CREB5: variants seen among roughly 807,000 people sequenced by gnomAD.
CREB5 encodes the protein cyclic AMP-responsive element-binding protein 5.
CREB5 carries 19 observed loss-of-function variants against 57.1 expected under a neutral mutation model. The observed-to-expected ratio is 0.33, with a 90% CI of 0.23 to 0.49. CREB5 has a LOEUF of 0.49. CREB5 is among the 20% of genes least tolerant of loss of function. The probability of loss-of-function intolerance (pLI) is 0.99; values close to 1 mark genes in which losing one functional copy is unlikely to be tolerated. For missense variants in CREB5, 579 were observed against 671.6 expected (o/e 0.86, Z 1.52); for synonymous variants, 238 against 238.3 (o/e 1.00, Z 0.01).
In CREB5 at chr7:28,382,683, A is replaced by C. The variant is rs141920324; in HGVS notation, c.-25+83242A>C. 7.1e-3 allele frequency among the ~76,000 whole-genome samples: 1,076 copies of C among 152,062 alleles called. 8 individuals are homozygous for C. The highest frequency in any genetic ancestry group is 0.024 in the African/African-American group (1,006 of 41,450). ...TCCGTCAGCCCCGGTTGGTGCTCTC[A>C]CAGTACTCATTTACAATTGCACTTA... On this transcript the variant is annotated intron_variant, in intron 1 of 9. Coordinates refer to the CREB5 transcript ENST00000396299.
chr7:28,541,998 T>C (rs769803883), intron 4 of CREB5, among the ~76,000 whole-genome samples: 20 of 152,262 alleles, frequency 1.3e-4, no homozygotes, highest in Non-Finnish European at 2.2e-4. Context: ...AAGCTATTTA[T>C]AGTTTTGGCT....
At chr7:28,325,579 A>T (rs1785581215) in intron 1 of CREB5, among the ~76,000 whole-genome samples, 1 of 152,076 alleles carries the variant, frequency 6.6e-6, no homozygotes, top group African/African-American at 2.4e-5. Context: ...CCTTGTCAAC[A>T]TCTCCATCTA....
chr7:28,316,441 A>G (rs1210665212), intron 1 of CREB5, among the ~76,000 whole-genome samples: 1 of 152,116 alleles, frequency 6.6e-6, no homozygotes, highest in Non-Finnish European at 1.5e-5. Flanking sequence ...TTAAATTGGG[A>G]GCAAAAAGGA....
chr7:28,453,958 C>CTTT (rs70977045), intron 1 of CREB5, among the ~76,000 whole-genome samples: 4 of 132,584 alleles, frequency 3.0e-5, no homozygotes, highest in Admixed American at 7.9e-5. Context: ...CTCTCCAATT[C>CTTT]TTTTTTTTTT....
rs1554304540 is a variant in CREB5 at position 28,821,126 on chromosome 7, A to ATATG, written c.*1848_*1849insATGT. The ATATG allele has an allele frequency of 6.8e-6, 1 of 146,342 alleles. No homozygotes were observed. The highest frequency in any genetic ancestry group is 6.8e-5 in the Admixed American group (1 of 14,620). The allele number at this position is 146,342 out of a possible 1,614,324, so 9.1% of individuals were successfully genotyped here. On this transcript the variant is annotated 3_prime_UTR_variant, in exon 11 of 11. Coordinates refer to ENST00000357727, the MANE Select transcript of CREB5 (RefSeq NM_182898.4). The stretch of plus-strand genomic sequence containing the variant: ...CTCCATTTGAATGCTTGACCTCTTA[A>ATATG]TGTGTGTGTGTGTGTGTGTGTGTGT...
intron 7 of CREB5, among the ~76,000 whole-genome samples, chr7:28,725,910 T>C (rs930809598): frequency 9.2e-5 from 14 of 152,142 alleles, no homozygotes; most frequent in Non-Finnish European, 1.5e-4. Context: ...TGCCAGTTGA[T>C]TTTCACTGGA....
chr7:28,380,373 G>A, intron 1 of CREB5, among the ~76,000 whole-genome samples: 1 of 152,152 alleles, frequency 6.6e-6, no homozygotes. Flanking sequence ...ACTCCACTGT[G>A]CCTTCCCTTC....
At chr7:28,583,807 T>A (rs924058103) in intron 5 of CREB5, among the ~76,000 whole-genome samples, 1 of 151,952 alleles carries the variant, frequency 6.6e-6, no homozygotes, top group African/African-American at 2.4e-5. Flanking sequence ...GCCTCCAGAG[T>A]AGCCGGGTTT....
chr7:28,681,563 G>T (rs1001226949), intron 5 of CREB5, among the ~76,000 whole-genome samples: 1 of 152,048 alleles, frequency 6.6e-6, no homozygotes, highest in Non-Finnish European at 1.5e-5. Context: ...ACTATGTATG[G>T]GCCAGGTGCT....
intron 7 of CREB5, 23 bp from the exon 8 acceptor site, chr7:28,804,176 T>G: frequency 6.2e-7 from 1 of 1,602,358 alleles, no homozygotes; most frequent in East Asian, 2.2e-5. Context: ...TTGTTCTCTC[T>G]CCTCCCTTTT....
rs573980917 is a variant in CREB5, at chr7:28,607,735, CTGTGTGTGTGTGTGTGTGTGTGTGTGTG to C, written c.464+37230_464+37257del. Among the ~76,000 whole-genome samples, 235 of 129,282 alleles carry C rather than the reference CTGTGTGTGTGTGTGTGTGTGTGTGTGTG, an allele frequency of 1.8e-3. 1 individual carries two copies. Among genetic ancestry groups the C allele is most frequent in the Middle Eastern group, 8.2e-3 (2 of 244 alleles). 84.8% of individuals were successfully genotyped at this position (129,282 alleles called of 152,430 possible). On this transcript the variant is annotated intron_variant, in intron 5 of 10. Transcript: ENST00000357727. Reference sequence around the variant, plus strand: ...CAAAATAAGACCAGTGCCCACAGGGCTGTGTGTGTGTGTGTGTGTGTGTGTGTGTGTGTGTGTGTGTGTGTGTGTGTGT... The same window carrying C: ...CAAAATAAGACCAGTGCCCACAGGGCTGTGTGTGTGTGTGTGTGTGTGTGT...
chr7:28,317,148 C>T (rs911834254), intron 1 of CREB5, among the ~76,000 whole-genome samples: 6 of 151,866 alleles, frequency 4.0e-5, no homozygotes, highest in African/African-American at 1.5e-4. Flanking sequence ...TTGCATTCTG[C>T]TGCCCATATT....
intron 7 of CREB5, among the ~76,000 whole-genome samples, chr7:28,738,317 T>A (rs1804149132): frequency 6.6e-6 from 1 of 152,316 alleles, no homozygotes; most frequent in South Asian, 2.1e-4. Context: ...GTTTCCCTTA[T>A]GCTTTGCAAG....
chr7:28,795,246 T>C (rs1265344927), intron 7 of CREB5, among the ~76,000 whole-genome samples: 2 of 152,244 alleles, frequency 1.3e-5, no homozygotes, highest in Non-Finnish European at 2.9e-5. Context: ...CTTTGGATAG[T>C]AGATGCTTTT....
chr7:28,671,758 C>G (rs146921894), intron 5 of CREB5, among the ~76,000 whole-genome samples: 2 of 152,334 alleles, frequency 1.3e-5, no homozygotes, highest in Non-Finnish European at 2.9e-5. Flanking sequence ...CACGTGCCAG[C>G]TGTGTGACCT....
chr7:28,565,545 T>A (rs1795440208), intron 4 of CREB5, among the ~76,000 whole-genome samples: 1 of 152,184 alleles, frequency 6.6e-6, no homozygotes, highest in Non-Finnish European at 1.5e-5. Flanking sequence ...GAGATGTGGT[T>A]TATAAAGCAT....
upstream of CREB5, among the ~76,000 whole-genome samples, chr7:28,409,074 C>T (rs966391097): frequency 1.3e-5 from 2 of 151,984 alleles, no homozygotes; most frequent in Non-Finnish European, 2.9e-5. This position sits in a 1 kb window ranked among gnomAD's most constrained non-coding sequence, Gnocchi z 4.4. Flanking sequence ...TCCAAGCTGA[C>T]TCACACCACT....
chr7:28,547,020 G>A (rs1270059634), intron 4 of CREB5, among the ~76,000 whole-genome samples: 1 of 152,214 alleles, frequency 6.6e-6, no homozygotes, highest in East Asian at 1.9e-4. Flanking sequence ...TATTTGTCAA[G>A]GTTGAAGGTA....
At chr7:28,334,157 T>G (rs115849568) in intron 1 of CREB5, among the ~76,000 whole-genome samples, 1,640 of 152,274 alleles carry the variant, frequency 0.011, 24 homozygotes, top group African/African-American at 0.038. Flanking sequence ...GAGCAGCTTT[T>G]TTTGTTTGAT....
Sources: allele counts gnomAD v4.1 joint callset (sites outside exome capture counted in the v4.1 genomes callset), GRCh38; gene constraint gnomAD v4.1.1; non-coding constraint Gnocchi (gnomAD v3.1); transcripts MANE v1.5; gene names NCBI Gene and HGNC (gene_info 2026-07-23, HGNC 2026-07-21).